The following ITGA1 variants were observed in gnomAD, a reference collection of about 807,000 sequenced individuals.
The protein encoded by ITGA1 is integrin subunit alpha 1, also known as integrin alpha-1.
A neutral mutation model predicts 145.9 loss-of-function variants in ITGA1; 85 were observed. That is an observed-to-expected ratio of 0.58 (90% CI 0.49 to 0.70). The LOEUF is 0.70. ITGA1 is among the 30% of genes least tolerant of loss of function. ITGA1 has a pLI of 0.00. For missense variants in ITGA1, 1,351 were observed against 1,418.7 expected (o/e 0.95, Z 0.77); for synonymous variants, 520 against 495.3 (o/e 1.05, Z -0.66).
chr5:52,862,457 G>C (rs1299557222), intron 3 of ITGA1, among the ~76,000 whole-genome samples: 1 of 151,958 alleles, frequency 6.6e-6, no homozygotes, highest in Non-Finnish European at 1.5e-5. Context: ...GCTTTAGAAA[G>C]TCATCAAGGA....
chr5:52,940,354 T>A (rs138263599), intron 26 of ITGA1, among the ~76,000 whole-genome samples: 1 of 152,018 alleles, frequency 6.6e-6, no homozygotes, highest in South Asian at 2.1e-4. Context: ...CTGTGTTTTA[T>A]CAGACTGTTA....
intron 26 of ITGA1, among the ~76,000 whole-genome samples, chr5:52,943,942 G>A (rs1050328826): frequency 5.3e-5 from 8 of 152,174 alleles, no homozygotes; most frequent in African/African-American, 1.2e-4. Flanking sequence ...CAGGTGGGGC[G>A]CAGCACCCAG....
chr5:52,808,251 T>G (rs906983501), intron 1 of ITGA1, among the ~76,000 whole-genome samples: 1 of 152,206 alleles, frequency 6.6e-6, no homozygotes, highest in African/African-American at 2.4e-5. Context: ...CCAAAAATAG[T>G]GGTACTTTAA....
chr5:52,931,115 G>A (rs1750888339), intron 21 of ITGA1: 1 of 152,162 alleles, frequency 6.6e-6, no homozygotes, highest in South Asian at 2.1e-4. Context: ...GTACTCTTAT[G>A]CCCATTCTGT....
intron 1 of ITGA1, chr5:52,801,993 G>A (rs753058928): frequency 3.7e-5 from 21 of 567,820 alleles, no homozygotes; most frequent in Non-Finnish European, 5.2e-5. Flanking sequence ...TTTTGTGATT[G>A]GCAAGACATG....
intron 15 of ITGA1, among the ~76,000 whole-genome samples, chr5:52,917,603 A>T (rs772200358): frequency 7.1e-5 from 8 of 113,356 alleles, no homozygotes; most frequent in Non-Finnish European, 1.5e-4. Context: ...TAATGTTCTC[A>T]GAAAAATGTA....
rs1561246745 is a variant in ITGA1 at position 52,911,986 on chromosome 5, T to TATACTATATATA, written c.1857+1567_1857+1568insATACTATATATA. Among the ~76,000 whole-genome samples, 339 of 53,760 alleles carry TATACTATATATA rather than the reference T, an allele frequency of 6.3e-3. 14 individuals are homozygous for TATACTATATATA. Among genetic ancestry groups the TATACTATATATA allele is most frequent in the African/African-American group, 0.013 (295 of 21,888 alleles). 35.3% of individuals were successfully genotyped at this position (53,760 alleles called of 152,430 possible). A position where few individuals can be genotyped will look rare whatever the true frequency, so the allele number is the denominator to read the frequency against. ...TAGTGTATCTACTATATATACTATA[T>TATACTATATATA]GTATAGTGTGTATCTACTATATATA... On this transcript the variant is annotated intron_variant, in intron 14 of 28. Transcript: ENST00000282588.
chr5:52,887,572 C>A (rs555409371), intron 7 of ITGA1, among the ~76,000 whole-genome samples: 1 of 152,280 alleles, frequency 6.6e-6, no homozygotes, highest in East Asian at 1.9e-4. Flanking sequence ...AATACTGCTG[C>A]CTTTTTATAT....
intron 8 of ITGA1, among the ~76,000 whole-genome samples, chr5:52,891,035 A>G (rs1192498225): frequency 6.6e-6 from 1 of 152,128 alleles, no homozygotes; most frequent in Non-Finnish European, 1.5e-5. Context: ...AGTTCCATCC[A>G]TGTTGCTGGA....
chr5:52,922,116 C>T (rs1750736779), intron 17 of ITGA1, among the ~76,000 whole-genome samples: 1 of 152,070 alleles, frequency 6.6e-6, no homozygotes. Context: ...GCCTGGCCAA[C>T]GTGGTGAAAC....
In ITGA1 at chr5:52,788,287, G is replaced by A; in HGVS notation, c.-67G>A. 1 of 1,270,498 alleles carries A rather than the reference G, an allele frequency of 7.9e-7. No individual in the cohort carries two copies. The highest frequency in any genetic ancestry group is 1.0e-6 in the Non-Finnish European group (1 of 967,630). 78.7% of individuals were successfully genotyped at this position (1,270,498 alleles called of 1,614,324 possible). A position where few individuals can be genotyped will look rare whatever the true frequency, so the allele number is the denominator to read the frequency against. On this transcript the variant is annotated 5_prime_UTR_variant, in exon 1 of 29. Transcript: ENST00000282588. The stretch of plus-strand genomic sequence containing the variant: ...GGGATAAGTGGCCCAGCCAGAGAGC[G>A]CAGCTCCCGCGCCCGGTCCTGCCCT...
chr5:52,936,953 G>A (rs1346934939), intron 23 of ITGA1, among the ~76,000 whole-genome samples: 1 of 151,796 alleles, frequency 6.6e-6, no homozygotes, highest in Non-Finnish European at 1.5e-5. Context: ...ATGATTTATG[G>A]GTTTAAGGAA....
intron 2 of ITGA1, among the ~76,000 whole-genome samples, chr5:52,859,405 C>A (rs986855408): frequency 3.0e-4 from 45 of 151,994 alleles, no homozygotes; most frequent in Non-Finnish European, 6.2e-4. Context: ...AGGATAGATT[C>A]CCAGAAGTAA....
chr5:52,941,880 G>GGAATATT (rs1170557849), intron 26 of ITGA1, among the ~76,000 whole-genome samples: 1 of 152,000 alleles, frequency 6.6e-6, no homozygotes, highest in Non-Finnish European at 1.5e-5. Context: ...GTATTTCCTA[G>GGAATATT]GTTTTCTTAT....
intron 6 of ITGA1, among the ~76,000 whole-genome samples, chr5:52,880,633 A>G (rs1749942307): frequency 6.6e-6 from 1 of 152,248 alleles, no homozygotes; most frequent in South Asian, 2.1e-4. Flanking sequence ...ACTAAGAAAT[A>G]GGATTTGCTC....
Position 52,927,644 on chromosome 5 carries a change from T to A in ITGA1, c.2674T>A (p.Phe892Ile), listed in dbSNP as rs1561251999. The A allele has an allele frequency of 1.9e-6, 3 of 1,608,266 alleles. No individual in the cohort carries two copies. Among genetic ancestry groups the A allele is most frequent in the Non-Finnish European group, 2.6e-6 (3 of 1,175,164 alleles). ...TATCACATGTAAAGTTGGATATCCC[T>A]TCCTGAGAAGAGGAGAGATGGTGAG... is the stretch of plus-strand genomic sequence containing the variant. The part of the protein sequence containing the change: ...HNITCKVGYP[F>I]LRRGEMVTFK... Residue 892 changes from phenylalanine to isoleucine, a missense_variant, in exon 20 of 29, where the codon TTC becomes ATC. Phe to Ile is a conservative substitution (Grantham distance 21). Coordinates refer to ENST00000282588, the MANE Select transcript of ITGA1 (RefSeq NM_181501.2).
At chr5:52,841,812 T>A (rs1380085727) in intron 1 of ITGA1, among the ~76,000 whole-genome samples, 1 of 152,164 alleles carries the variant, frequency 6.6e-6, no homozygotes, top group African/African-American at 2.4e-5. Flanking sequence ...ATATATCACC[T>A]TTTAGTTACA....
At chr5:52,801,549 G>A (rs758733829) in intron 1 of ITGA1, 1 of 1,614,132 alleles carries the variant, frequency 6.2e-7, no homozygotes, top group East Asian at 2.2e-5. Context: ...AGCATGAACC[G>A]GATCGAGCTT....
intron 7 of ITGA1, among the ~76,000 whole-genome samples, chr5:52,887,522 G>A (rs1250489818): frequency 6.6e-6 from 1 of 152,192 alleles, no homozygotes; most frequent in Non-Finnish European, 1.5e-5. Context: ...CATGATGTAT[G>A]CCTCAGTCAC....
Sources: gnomAD v4.1 joint callset for allele counts (sites outside exome capture counted in the v4.1 genomes callset) on GRCh38, gnomAD v4.1.1 for gene constraint, MANE v1.5 for transcripts, NCBI Gene and HGNC (gene_info 2026-07-23, HGNC 2026-07-21) for gene names.